The following PTPRD variants were observed in gnomAD, a reference collection of about 807,000 sequenced individuals.
The protein encoded by PTPRD is protein tyrosine phosphatase receptor type D, also known as receptor-type tyrosine-protein phosphatase delta.
Under a neutral mutation model 214.5 loss-of-function variants are expected in PTPRD, and 34 were observed. The observed-to-expected ratio is 0.16, with a 90% CI of 0.12 to 0.21. The LOEUF (loss-of-function observed/expected upper bound fraction) is 0.21, where lower values mean the gene tolerates loss of function less well. Among genes scored for constraint, PTPRD ranks in the 10% least tolerant of loss-of-function variants. The pLI is 1.00. For synonymous variants in PTPRD, 1,128 were observed against 845.7 expected (o/e 1.33, Z -5.79); for missense variants, 2,545 against 2,398.7 (o/e 1.06, Z -1.27).
chr9:8,376,115 A>T, intron 38 of PTPRD, 25 bp from the exon 39 acceptor site: 1 of 1,610,204 alleles, frequency 6.2e-7, no homozygotes, highest in Non-Finnish European at 8.5e-7. Context: ...TATCAGCTGA[A>T]ATTCTGTTTT....
intron 7 of PTPRD, among the ~76,000 whole-genome samples, chr9:9,642,638 CA>C (rs1231597893): frequency 6.6e-6 from 1 of 152,118 alleles, no homozygotes; most frequent in Non-Finnish European, 1.5e-5. Flanking sequence ...CAGCCGGACC[CA>C]CACTTTGGTC....
chr9:8,749,250 C>G (rs1352329114), intron 11 of PTPRD, among the ~76,000 whole-genome samples: 1 of 152,128 alleles, frequency 6.6e-6, no homozygotes, highest in Non-Finnish European at 1.5e-5. Context: ...GGCACCATCT[C>G]AGCTCCCAGC....
In PTPRD at chr9:9,356,142, A is replaced by T. The variant is rs185691785; in HGVS notation, c.-203+41307T>A. The stretch of plus-strand genomic sequence containing the variant: ...GGAGTATAGACATTAATTTCAGGAA[A>T]TTTTTTCTGCAAAAGAAAAAGAACC... On this transcript the variant is annotated intron_variant, in intron 9 of 45. Coordinates refer to ENST00000381196, the MANE Select transcript of PTPRD (RefSeq NM_002839.4). Among the ~76,000 whole-genome samples the T allele has an allele frequency of 1.1e-3, 164 of 151,426 alleles. 1 individual carries two copies. Among genetic ancestry groups the T allele is most frequent in the African/African-American group, 3.8e-3 (156 of 41,442 alleles).
At chr9:9,466,736 A>G (rs2094188325) in intron 8 of PTPRD, among the ~76,000 whole-genome samples, 1 of 152,034 alleles carries the variant, frequency 6.6e-6, no homozygotes, top group African/African-American at 2.4e-5. Context: ...TTCCATATCT[A>G]TTTTTTCCTG....
At chr9:9,880,181 T>C (rs146975883) in intron 5 of PTPRD, among the ~76,000 whole-genome samples, 24 of 152,260 alleles carry the variant, frequency 1.6e-4, no homozygotes, top group African/African-American at 5.1e-4. Flanking sequence ...ACTCTTTCTC[T>C]ATTGCTTGCT....
chr9:10,423,401 A>G lies in PTPRD; in HGVS notation c.-599-82384T>C, dbSNP rs552052266. On this transcript the variant is annotated intron_variant, in intron 2 of 45. Coordinates refer to ENST00000381196, the MANE Select transcript of PTPRD (RefSeq NM_002839.4). ...GCAAACCAACATGGCACATGTATAC[A>G]TATGTAACAAACCTGCATGTTGTGC... 1.5e-4 allele frequency among the ~76,000 whole-genome samples: 23 copies of G among 152,112 alleles called. No individual in the cohort carries two copies. The East Asian group carries it at 4.5e-3, about 30-fold the overall frequency.
chr9:8,499,659 C>T lies in PTPRD; in HGVS notation c.2310G>A (p.Leu770=), dbSNP rs2097351881. 1 of 1,613,094 alleles carries T rather than the reference C, an allele frequency of 6.2e-7. No individual in the cohort carries two copies. The highest frequency in any genetic ancestry group is 8.5e-7 in the Non-Finnish European group (1 of 1,179,540). ...TTCAGAGGCTTACCTGTGCATCAGC[C>T]AGCATGACATCTTTCAGCATGGGCT... ...KGQPMLKDVM[L]ADAQWEFDDT... Residue 770 remains leucine (L), a synonymous_variant, in exon 25 of 46, where the codon CTG becomes CTA. Coordinates refer to ENST00000381196, the MANE Select transcript of PTPRD (RefSeq NM_002839.4).
chr9:10,504,806 T>C (rs573961991), intron 2 of PTPRD, among the ~76,000 whole-genome samples: 21 of 152,328 alleles, frequency 1.4e-4, no homozygotes, highest in Non-Finnish European at 2.6e-4. Context: ...TCAATTCATT[T>C]ACCTGACTAC....
intron 10 of PTPRD, among the ~76,000 whole-genome samples, chr9:9,119,646 C>T (rs1047949261): frequency 1.3e-5 from 2 of 151,974 alleles, no homozygotes; most frequent in African/African-American, 2.4e-5. Flanking sequence ...GCCTCAGCCT[C>T]CTGAGTAGCT....
intron 33 of PTPRD, among the ~76,000 whole-genome samples, chr9:8,456,076 G>C (rs540671365): frequency 1.4e-4 from 21 of 152,288 alleles, no homozygotes; most frequent in African/African-American, 4.8e-4. Flanking sequence ...TCAACATGTA[G>C]AAGGAATTGA....
chr9:8,815,189 G>A (rs778004054), intron 11 of PTPRD, among the ~76,000 whole-genome samples: 12 of 151,624 alleles, frequency 7.9e-5, no homozygotes, highest in Non-Finnish European at 1.5e-4. Context: ...ATATAGAGTA[G>A]AAGCAGGCAT....
intron 3 of PTPRD, among the ~76,000 whole-genome samples, chr9:10,093,650 C>G (rs764967529): frequency 2.6e-5 from 4 of 151,464 alleles, no homozygotes; most frequent in Non-Finnish European, 5.9e-5. Context: ...TTCATAAGTT[C>G]ATTACAACAC....
intron 10 of PTPRD, among the ~76,000 whole-genome samples, chr9:9,086,934 T>A (rs1025273728): frequency 5.9e-5 from 9 of 151,994 alleles, no homozygotes; most frequent in African/African-American, 2.2e-4. Context: ...AAGAAACAGA[T>A]GCCATGGGGA....
chr9:9,682,781 A>G (rs371523448), intron 7 of PTPRD, among the ~76,000 whole-genome samples: 3 of 151,902 alleles, frequency 2.0e-5, no homozygotes, highest in African/African-American at 7.2e-5. Flanking sequence ...GTCTGCTACC[A>G]GCACATAGCC....
intron 5 of PTPRD, among the ~76,000 whole-genome samples, chr9:9,933,223 A>C (rs1308402859): frequency 6.6e-6 from 1 of 152,266 alleles, no homozygotes; most frequent in African/African-American, 2.4e-5. Flanking sequence ...ATTCACACAT[A>C]ACAATATTAA....
chr9:8,747,085 T>G (rs2092909438), intron 11 of PTPRD, among the ~76,000 whole-genome samples: 1 of 152,184 alleles, frequency 6.6e-6, no homozygotes, highest in South Asian at 2.1e-4. Context: ...TTCTCTATCT[T>G]TTGTGGTGTA....
chr9:9,109,654 C>G (rs887134579), intron 10 of PTPRD, among the ~76,000 whole-genome samples: 1 of 152,036 alleles, frequency 6.6e-6, no homozygotes, highest in Non-Finnish European at 1.5e-5. Flanking sequence ...GGAGATGGCC[C>G]TGATTTTAGT....
chr9:10,401,735 C>A (rs1220685700), intron 2 of PTPRD, among the ~76,000 whole-genome samples: 1 of 150,248 alleles, frequency 6.7e-6, no homozygotes, highest in Non-Finnish European at 1.5e-5. Context: ...TCTAGAATTT[C>A]TTCCTTTGTA....
At chr9:10,456,653 C>A (rs1334433969) in intron 2 of PTPRD, among the ~76,000 whole-genome samples, 1 of 151,884 alleles carries the variant, frequency 6.6e-6, no homozygotes, top group South Asian at 2.1e-4. Flanking sequence ...TCAGACACAG[C>A]AGATTTGTCC....
Sources: allele counts gnomAD v4.1 joint callset (sites outside exome capture counted in the v4.1 genomes callset), GRCh38; gene constraint gnomAD v4.1.1; transcripts MANE v1.5; gene names NCBI Gene and HGNC (gene_info 2026-07-23, HGNC 2026-07-21).